The following GIMAP2 variants were observed in gnomAD, a reference collection of about 807,000 sequenced individuals.
GIMAP2 encodes the protein GTPase IMAP family member 2.
A neutral mutation model predicts 25.5 loss-of-function variants in GIMAP2; 22 were observed. The ratio of observed to expected loss-of-function variants is 0.86; its 90% CI spans 0.62 to 1.23. The LOEUF is 1.23. GIMAP2 is among the 50% of genes most tolerant of loss of function. The pLI, the probability that GIMAP2 is intolerant of heterozygous loss-of-function variation, is 0.00. For missense variants in GIMAP2, 422 were observed against 395.7 expected, an observed-to-expected ratio of 1.07 and a Z score of -0.56; for synonymous variants, 167 against 143.0, an observed-to-expected ratio of 1.17 and a Z score of -1.20.
At position 150,693,036 on chromosome 7, in the gene GIMAP2, A is replaced by G; in HGVS notation, c.750A>G (p.Gln250=). 6.2e-7 allele frequency: 1 copy of G among 1,614,218 alleles called. No homozygotes were observed. Among genetic ancestry groups the G allele is most frequent in the African/African-American group, 1.3e-5 (1 of 75,054 alleles). ...GCCTTATAAAGTACATGGAAACTCAAAGAAGTTACACAGCCTTGGCTGAAG... is the reference window on the plus strand; with the variant it reads ...GCCTTATAAAGTACATGGAAACTCAGAGAAGTTACACAGCCTTGGCTGAAG... ...KQSLIKYMET[Q]RSYTALAEAN... Residue 250 remains glutamine, a synonymous_variant, in exon 3 of 3, where the codon CAA becomes CAG. Coordinates refer to ENST00000223293, the MANE Select transcript of GIMAP2 (RefSeq NM_015660.3).
At chr7:150,686,216 A>G (rs934506573) in intron 1 of GIMAP2, among the ~76,000 whole-genome samples, 30 of 152,228 alleles carry the variant, frequency 2.0e-4, no homozygotes, top group Admixed American at 5.9e-4. Flanking sequence ...TTAATGGATC[A>G]AGTGAAGTGT....
In GIMAP2 at chr7:150,692,365, C is replaced by G. The variant is rs142628430; in HGVS notation, c.79C>G (p.Leu27Val). ...CAGCAGATCTGAGCTGAGAATCATC[C>G]TGGTGGGCAAAACAGGAACTGGCAA... is the stretch of plus-strand genomic sequence containing the variant. ...CASRSELRII[L>V]VGKTGTGKSA... The change falls in exon 3 of 3, where the codon CTG becomes GTG. Residue 27 changes from leucine (L) to valine (V), a missense_variant. Physicochemically the swap from Leu to Val is conservative, Grantham distance 32. Transcript: ENST00000223293. 284 of 1,614,014 alleles carry G rather than the reference C, an allele frequency of 1.8e-4. 1 individual carries two copies. Among genetic ancestry groups the G allele is most frequent in the Non-Finnish European group, 2.3e-4 (277 of 1,180,000 alleles).
At position 150,692,394 on chromosome 7, in the gene GIMAP2, T is replaced by A. The variant is rs201164211; in HGVS notation, c.108T>A (p.Ser36Arg). 1 of 1,614,156 alleles carries A rather than the reference T, an allele frequency of 6.2e-7. No homozygotes were observed. Among genetic ancestry groups the A allele is most frequent in the Admixed American group, 1.7e-5 (1 of 60,022 alleles). Residue 36 changes from serine to arginine, a missense_variant, in exon 3 of 3, where the codon AGT becomes AGA. Transcript: ENST00000223293. ...ILVGKTGTGKSAAGNSILRKQ... is the reference protein window; with the variant it reads ...ILVGKTGTGKRAAGNSILRKQ... Reference sequence around the variant, plus strand: ...TGGGCAAAACAGGAACTGGCAAAAGTGCTGCAGGGAACAGCATCCTCAGGA... The same window carrying A: ...TGGGCAAAACAGGAACTGGCAAAAGAGCTGCAGGGAACAGCATCCTCAGGA...
At chr7:150,686,329 G>A (rs2116499026) in intron 1 of GIMAP2, among the ~76,000 whole-genome samples, 1 of 152,310 alleles carries the variant, frequency 6.6e-6, no homozygotes. Context: ...GGAGAGAGTA[G>A]AGGAGGGAAG....
intron 2 of GIMAP2, among the ~76,000 whole-genome samples, chr7:150,689,047 C>T (rs1397857863): frequency 6.6e-6 from 1 of 152,202 alleles, no homozygotes; most frequent in Non-Finnish European, 1.5e-5. Context: ...ATGGGAAACC[C>T]CCTAAGCCAT....
rs769276327 is a variant in GIMAP2 at position 150,692,733 on chromosome 7, A to C, written c.447A>C (p.Glu149Asp). The change falls in exon 3 of 3, where the codon GAA becomes GAC. Residue 149 changes from glutamate (E) to aspartate (D), a missense_variant. Physicochemically the swap from Glu to Asp is conservative, Grantham distance 45. Coordinates refer to ENST00000223293, the MANE Select transcript of GIMAP2 (RefSeq NM_015660.3). The stretch of plus-strand genomic sequence containing the variant: ...CAATTGTCCTCTTTACCCACAAGGA[A>C]GACCTCAATGGTGGCTCCCTGATGG... ...GHTIVLFTHK[E>D]DLNGGSLMDY... 3 of 1,614,224 alleles carry C rather than the reference A, an allele frequency of 1.9e-6. No homozygotes were observed. Among genetic ancestry groups the C allele is most frequent in the South Asian group, 1.1e-5 (1 of 91,086 alleles).
intron 2 of GIMAP2, among the ~76,000 whole-genome samples, chr7:150,691,148 G>A (rs1163413969): frequency 1.3e-5 from 2 of 152,166 alleles, no homozygotes; most frequent in African/African-American, 4.8e-5. Flanking sequence ...GAATCAAGGG[G>A]TTAACCCTCA....
In GIMAP2 at chr7:150,692,584, T is replaced by C. The variant is rs763759831; in HGVS notation, c.298T>C (p.Leu100=). The C allele has an allele frequency of 5.0e-6, 8 of 1,613,932 alleles. No homozygotes were observed. Among genetic ancestry groups the C allele is most frequent in the Non-Finnish European group, 6.8e-6 (8 of 1,179,928 alleles). ...ALYKEVQRCY[L]LSAPGPHVLL... The stretch of plus-strand genomic sequence containing the variant: ...GTACAAAGAGGTGCAGAGGTGCTAC[T>C]TGCTGTCTGCACCAGGACCCCATGT... Residue 100 remains leucine (L), a synonymous_variant, in exon 3 of 3, where the codon TTG becomes CTG. Transcript: ENST00000223293.
chr7:150,689,942 G>T (rs916327953), intron 2 of GIMAP2, among the ~76,000 whole-genome samples: 6 of 138,582 alleles, frequency 4.3e-5, no homozygotes, highest in Non-Finnish European at 9.6e-5. Context: ...CCCTTTCTGA[G>T]AATTTAATCT....
In GIMAP2 at chr7:150,687,055, C is replaced by A. The variant is rs1056708281; in HGVS notation, c.-5C>A. On this transcript the variant is annotated 5_prime_UTR_variant, in exon 2 of 3. Coordinates refer to ENST00000223293, the MANE Select transcript of GIMAP2 (RefSeq NM_015660.3). ...TTCTTGTCTCTCTGTTTCTCAGGAACACCAATGGACCAAAATGAACACAGT... is the reference window on the plus strand; with the variant it reads ...TTCTTGTCTCTCTGTTTCTCAGGAAAACCAATGGACCAAAATGAACACAGT... The A allele has an allele frequency of 6.2e-7, 1 of 1,607,930 alleles. No individual in the cohort carries two copies. Among genetic ancestry groups the A allele is most frequent in the Non-Finnish European group, 8.5e-7 (1 of 1,175,644 alleles).
At chr7:150,689,728 A>G (rs1266974789) in intron 2 of GIMAP2, 1 of 568,650 alleles carries the variant, frequency 1.8e-6, no homozygotes, top group African/African-American at 1.9e-5. Flanking sequence ...AAATACTTAA[A>G]TATGTGCAAC....
At chr7:150,687,757 C>T (rs1796920419) in intron 2 of GIMAP2, among the ~76,000 whole-genome samples, 1 of 151,740 alleles carries the variant, frequency 6.6e-6, no homozygotes. Context: ...GTCTTTCTGT[C>T]TGTCTCTATC....
In GIMAP2 at chr7:150,689,589, G is replaced by A. The variant is rs151058601; in HGVS notation, c.28+2502G>A. On this transcript the variant is annotated intron_variant, in intron 2 of 2. Coordinates refer to ENST00000223293, the MANE Select transcript of GIMAP2 (RefSeq NM_015660.3). ...TGCTGTTTTCAGAATATAGAAATGT[G>A]TAATGTAATGCCTGCTTCCTTTTAA... The A allele has an allele frequency of 1.2e-4, 84 of 700,616 alleles. No individual in the cohort carries two copies. In the East Asian group the frequency reaches 2.2e-3, roughly 18 times the overall value. The allele number at this position is 700,616 out of a possible 1,614,324, so 43.4% of individuals were successfully genotyped here. A position where few individuals can be genotyped will look rare whatever the true frequency, so the allele number is the denominator to read the frequency against.
At chr7:150,688,301 T>A (rs1796926131) in intron 2 of GIMAP2, among the ~76,000 whole-genome samples, 1 of 152,082 alleles carries the variant, frequency 6.6e-6, no homozygotes, top group African/African-American at 2.4e-5. Flanking sequence ...TGGCTAATTT[T>A]TATATTTTTA....
intron 2 of GIMAP2, among the ~76,000 whole-genome samples, chr7:150,689,075 C>T (rs1046126851): frequency 1.3e-5 from 2 of 152,212 alleles, no homozygotes; most frequent in African/African-American, 4.8e-5. Flanking sequence ...TACTCCTTAT[C>T]CTGGTCTCCT....
intron 2 of GIMAP2, among the ~76,000 whole-genome samples, chr7:150,690,415 A>G (rs1041771582): frequency 5.3e-5 from 8 of 152,196 alleles, no homozygotes; most frequent in African/African-American, 1.9e-4. Flanking sequence ...TGTGAGCCCG[A>G]GAGGTCATTT....
At chr7:150,690,624 T>C (rs1481822138) in intron 2 of GIMAP2, among the ~76,000 whole-genome samples, 1 of 152,234 alleles carries the variant, frequency 6.6e-6, no homozygotes, top group African/African-American at 2.4e-5. Context: ...TGCATGCAAG[T>C]TACTTCATCT....
chr7:150,687,250 G>T (rs1207484159), intron 2 of GIMAP2, 163 bp downstream of exon 2: 1 of 590,950 alleles, frequency 1.7e-6, no homozygotes, highest in Non-Finnish European at 3.0e-6. Context: ...GAAAATTGTG[G>T]GGTTTTGTTT....
At chr7:150,691,968 G>A (rs1372946294) in intron 2 of GIMAP2, among the ~76,000 whole-genome samples, 13 of 151,940 alleles carry the variant, frequency 8.6e-5, no homozygotes, top group African/African-American at 2.7e-4. Context: ...GGTGGCTCAC[G>A]CCAGTAATCC....
Sources: gnomAD v4.1 joint callset for allele counts (sites outside exome capture counted in the v4.1 genomes callset) on GRCh38, gnomAD v4.1.1 for gene constraint, MANE v1.5 for transcripts, NCBI Gene and HGNC (gene_info 2026-07-23, HGNC 2026-07-21) for gene names.